SLC20A2: variants seen among roughly 807,000 people sequenced by gnomAD.
SLC20A2 encodes the protein solute carrier family 20 member 2, also known as sodium-dependent phosphate transporter 2.
SLC20A2 carries 30 observed loss-of-function variants against 61.0 expected under a neutral mutation model. The observed-to-expected ratio is 0.49, with a 90% CI of 0.37 to 0.67. SLC20A2 has a LOEUF of 0.67. Among genes scored for constraint, SLC20A2 ranks in the 30% least tolerant of loss-of-function variants. The probability of loss-of-function intolerance (pLI) is 0.00; values close to 1 mark genes in which losing one functional copy is unlikely to be tolerated. For synonymous variants in SLC20A2, 351 were observed against 353.3 expected (o/e 0.99, Z 0.07); for missense variants, 626 against 866.4 (o/e 0.72, Z 3.48).
intron 1 of SLC20A2, among the ~76,000 whole-genome samples, chr8:42,487,735 T>C (rs1213074776): frequency 6.6e-6 from 1 of 152,238 alleles, no homozygotes; most frequent in Admixed American, 6.5e-5. Flanking sequence ...TAAATTATGG[T>C]AAAATACACA....
intron 1 of SLC20A2, among the ~76,000 whole-genome samples, chr8:42,528,922 C>T (rs1812153675): frequency 6.6e-6 from 1 of 151,930 alleles, no homozygotes; most frequent in Non-Finnish European, 1.5e-5. Context: ...CCGCCTCAGC[C>T]TCCCAAAGTG....
intron 1 of SLC20A2, among the ~76,000 whole-genome samples, chr8:42,500,592 A>G (rs1444868506): frequency 6.6e-6 from 1 of 152,242 alleles, no homozygotes; most frequent in Non-Finnish European, 1.5e-5. Context: ...CAAGAAAATT[A>G]CATTTGACAC....
At chr8:42,441,216 G>A (rs1294291825) in intron 6 of SLC20A2, among the ~76,000 whole-genome samples, 4 of 147,748 alleles carry the variant, frequency 2.7e-5, no homozygotes, top group South Asian at 2.2e-4. Flanking sequence ...GTGCACTAGC[G>A]TGATCTCCGC....
rs1046149956 is a variant in SLC20A2, at chr8:42,463,286, G to A, written c.431-196C>T. On this transcript the variant is annotated intron_variant, in intron 3 of 10. Transcript: ENST00000520262. ...CTTCACACATTTATGGCCACACTCA[G>A]ACATCAACACACAGTCACACACCAC... 12 of 472,360 alleles carry A rather than the reference G, an allele frequency of 2.5e-5. No homozygotes were observed. In the South Asian group the frequency reaches 3.7e-4, roughly 15 times the overall value. The allele number at this position is 472,360 out of a possible 1,614,324, so 29.3% of individuals were successfully genotyped here.
At chr8:42,474,758 G>A (rs2131240493) in intron 1 of SLC20A2, among the ~76,000 whole-genome samples, 1 of 152,354 alleles carries the variant, frequency 6.6e-6, no homozygotes, top group South Asian at 2.1e-4. Context: ...GAAGGAAACA[G>A]ACACTAATCA....
At chr8:42,444,549 T>A in intron 6 of SLC20A2, 97 bp downstream of exon 6, 1 of 907,350 alleles carries the variant, frequency 1.1e-6, no homozygotes, top group Non-Finnish European at 1.8e-6. Context: ...CACCCACACT[T>A]CCATTTCCTC....
At chr8:42,516,420 T>A (rs889786590) in intron 1 of SLC20A2, among the ~76,000 whole-genome samples, 1 of 152,236 alleles carries the variant, frequency 6.6e-6, no homozygotes, top group Non-Finnish European at 1.5e-5. Flanking sequence ...TCCTGTTTTA[T>A]AACCTCTGGA....
At position 42,437,290 on chromosome 8, in the gene SLC20A2, A is replaced by T; in HGVS notation, c.1222T>A (p.Ser408Thr). 6.2e-7 allele frequency: 1 copy of T among 1,614,134 alleles called. No homozygotes were observed. Among genetic ancestry groups the T allele is most frequent in the Non-Finnish European group, 8.5e-7 (1 of 1,180,026 alleles). The change falls in exon 8 of 11, where the codon TCG (serine) becomes ACG (threonine). Residue 408 changes from serine (S) to threonine (T), a missense_variant. Ser to Thr is a moderately conservative substitution (Grantham distance 58, BLOSUM62 1). Around this residue, in one of 3 missense-constraint regions of SLC20A2, gnomAD observed 361 missense variants for 422.3 expected, o/e 0.85. Coordinates refer to ENST00000520262, the MANE Select transcript of SLC20A2 (RefSeq NM_001257180.2). The surrounding 1 kb of genome is among the most constrained non-coding windows in gnomAD (Gnocchi z 6.4). ...VHATFRAADS[S>T]APEDSEKLVG... ...AGCTTCTCACTGTCCTCTGGGGCCG[A>T]TGAGTCCGCAGCTCGAAAGGTGGCG...
intron 3 of SLC20A2, among the ~76,000 whole-genome samples, chr8:42,463,886 G>A (rs966044813): frequency 1.3e-5 from 2 of 151,976 alleles, no homozygotes; most frequent in African/African-American, 4.8e-5. Context: ...ATATGGAAAT[G>A]GAGTGAAAGA....
At chr8:42,452,511 G>A (rs1404399349) in intron 5 of SLC20A2, among the ~76,000 whole-genome samples, 1 of 150,510 alleles carries the variant, frequency 6.6e-6, no homozygotes, top group Non-Finnish European at 1.5e-5. Flanking sequence ...TGAAGAGGAG[G>A]AGGAAGAGAT....
chr8:42,493,882 T>C (rs533151659), intron 1 of SLC20A2, among the ~76,000 whole-genome samples: 2 of 152,190 alleles, frequency 1.3e-5, no homozygotes, highest in East Asian at 3.8e-4. Flanking sequence ...TGGTGGCTTA[T>C]CTCTGTAATC....
intron 1 of SLC20A2, among the ~76,000 whole-genome samples, chr8:42,509,771 CA>C (rs1160480604): frequency 6.6e-6 from 1 of 151,632 alleles, no homozygotes; most frequent in Non-Finnish European, 1.5e-5. Flanking sequence ...CAAAACAAAA[CA>C]AAACAAAAAG....
chr8:42,504,609 C>A (rs888904516), upstream of SLC20A2, among the ~76,000 whole-genome samples: 1 of 151,206 alleles, frequency 6.6e-6, no homozygotes, highest in South Asian at 2.1e-4. Context: ...TGTGGGAGGC[C>A]GAGGTGGGTG....
intron 1 of SLC20A2, among the ~76,000 whole-genome samples, chr8:42,476,856 CTGCAGTCGGGGACTCTAGG>C (rs776704910): frequency 6.6e-6 from 1 of 152,216 alleles, no homozygotes; most frequent in Non-Finnish European, 1.5e-5. Flanking sequence ...AGCACAAGAC[CTGCAGTCGGGGACTCTAGG>C]TCCATTCCCG....
chr8:42,478,432 G>A (rs1003169876), intron 1 of SLC20A2, among the ~76,000 whole-genome samples: 33 of 152,028 alleles, frequency 2.2e-4, no homozygotes, highest in Admixed American at 6.6e-5. Context: ...GGCTGGTCTT[G>A]AACTCCTGAC....
At chr8:42,494,135 G>A (rs1053334457) in intron 1 of SLC20A2, among the ~76,000 whole-genome samples, 4 of 152,084 alleles carry the variant, frequency 2.6e-5, no homozygotes, top group African/African-American at 9.7e-5. Flanking sequence ...GTGAGACCCT[G>A]TCTCAAAACT....
At chr8:42,518,396 A>G (rs1811448530) in intron 1 of SLC20A2, among the ~76,000 whole-genome samples, 1 of 152,218 alleles carries the variant, frequency 6.6e-6, no homozygotes, top group South Asian at 2.1e-4. Context: ...TTGAAACAAG[A>G]GTTAAATCTA....
chr8:42,517,062 A>G (rs1455614798), intron 1 of SLC20A2, among the ~76,000 whole-genome samples: 1 of 152,170 alleles, frequency 6.6e-6, no homozygotes, highest in African/African-American at 2.4e-5. Flanking sequence ...CTGATTTTAG[A>G]ACATTATTAC....
intron 1 of SLC20A2, among the ~76,000 whole-genome samples, chr8:42,531,852 G>A (rs911526216): frequency 2.0e-5 from 3 of 146,740 alleles, no homozygotes; most frequent in African/African-American, 7.6e-5. Flanking sequence ...ACAGAGTCTC[G>A]CTGTCACCCA....
Sources: allele counts gnomAD v4.1 joint callset (sites outside exome capture counted in the v4.1 genomes callset), GRCh38; gene constraint gnomAD v4.1.1; regional missense constraint gnomAD v4.1.1; non-coding constraint Gnocchi (gnomAD v3.1); transcripts MANE v1.5; gene names NCBI Gene and HGNC (gene_info 2026-07-23, HGNC 2026-07-21).